The following PDLIM4 variants were observed in gnomAD, a reference collection of about 807,000 sequenced individuals.
PDLIM4 encodes the protein PDZ and LIM domain 4, also known as PDZ and LIM domain protein 4.
Under a neutral mutation model 31.3 loss-of-function variants are expected in PDLIM4, and 19 were observed. That is an observed-to-expected ratio of 0.61 (90% CI 0.42 to 0.89). PDLIM4 has a LOEUF of 0.89. Among genes scored for constraint, PDLIM4 ranks in the 40% least tolerant of loss-of-function variants. The pLI is 0.00. For missense variants in PDLIM4, 442 were observed against 461.1 expected (o/e 0.96, Z 0.38); for synonymous variants, 176 against 190.1 (o/e 0.93, Z 0.61).
At chr5:132,271,761 C>G (rs535617458) in intron 5 of PDLIM4, 30 bp from the exon 6 acceptor site, 4 of 1,445,812 alleles carry the variant, frequency 2.8e-6, no homozygotes, top group South Asian at 2.3e-5. Context: ...CTCCTCACCC[C>G]GTTCATGCCA....
chr5:132,272,706 A>G lies in PDLIM4; in HGVS notation c.*477A>G. On this transcript the variant is annotated 3_prime_UTR_variant, in exon 7 of 7. Coordinates refer to ENST00000253754, the MANE Select transcript of PDLIM4 (RefSeq NM_003687.4). ...GGCCTCTGTGGCCGTCATCGGCACT[A>G]GCGGGTTGGGGGTGGTGGTGGGGTG... 4.7e-6 allele frequency: 1 copy of G among 211,308 alleles called. No individual in the cohort carries two copies. The highest frequency in any genetic ancestry group is 7.8e-5 in the South Asian group (1 of 12,740). The allele number at this position is 211,308 out of a possible 1,614,324, so 13.1% of individuals were successfully genotyped here.
chr5:132,269,641 C>T (rs989650678), intron 3 of PDLIM4, among the ~76,000 whole-genome samples: 2 of 151,954 alleles, frequency 1.3e-5, no homozygotes, highest in African/African-American at 4.8e-5. Flanking sequence ...AGGGCAGAAC[C>T]CCACAGGCTC....
At chr5:132,260,215 A>G (rs1266899121) in intron 1 of PDLIM4, among the ~76,000 whole-genome samples, 1 of 152,170 alleles carries the variant, frequency 6.6e-6, no homozygotes, top group Non-Finnish European at 1.5e-5. Context: ...TGGGTGGAGC[A>G]GGGGCTGGGA....
chr5:132,271,232 C>T, intron 4 of PDLIM4, 71 bp from the exon 5 acceptor site: 2 of 1,524,024 alleles, frequency 1.3e-6, no homozygotes, highest in Admixed American at 1.8e-5. Context: ...ATAAGCCTTA[C>T]CAGACCCCAA....
At chr5:132,266,685 C>G in intron 3 of PDLIM4, 140 bp downstream of exon 3, 1 of 569,364 alleles carries the variant, frequency 1.8e-6, no homozygotes, top group Non-Finnish European at 3.2e-6. Context: ...GAAGTTTTCT[C>G]TGGACCACAT....
At chr5:132,260,400 C>T (rs1756347083) in intron 1 of PDLIM4, among the ~76,000 whole-genome samples, 1 of 152,186 alleles carries the variant, frequency 6.6e-6, no homozygotes, top group Non-Finnish European at 1.5e-5. Flanking sequence ...TTCCCAGCCA[C>T]CCAGGAGAAA....
Position 132,257,924 on chromosome 5 carries a change from T to G in PDLIM4, c.93+97T>G. ...CCCAGATCCCCTGTGTATCCGAGGC[T>G]TGAAGGCGGAGGGTTGGCCTGGGCG... On this transcript the variant is annotated intron_variant, in intron 1 of 6. Coordinates refer to ENST00000253754, the MANE Select transcript of PDLIM4 (RefSeq NM_003687.4). This position sits in a 1 kb window ranked among gnomAD's most constrained non-coding sequence, Gnocchi z 4.3. The G allele has an allele frequency of 1.5e-6, 1 of 678,310 alleles. No homozygotes were observed. Among genetic ancestry groups the G allele is most frequent in the Non-Finnish European group, 2.2e-6 (1 of 452,846 alleles). The allele number at this position is 678,310 out of a possible 1,614,324, so 42.0% of individuals were successfully genotyped here.
At position 132,262,687 on chromosome 5, in the gene PDLIM4, G is replaced by C; in HGVS notation, c.172G>C (p.Glu58Gln). ...CCAGGCCATCAATGGTGAGAGCACA[G>C]AGCTCATGACACACCTGGAGGCACA... Reference protein sequence around the residue: ...LIQAINGESTELMTHLEAQNR... With the variant: ...LIQAINGESTQLMTHLEAQNR... The change falls in exon 2 of 7, where the codon GAG becomes CAG. Residue 58 changes from glutamate to glutamine, a missense_variant. Coordinates refer to ENST00000253754, the MANE Select transcript of PDLIM4 (RefSeq NM_003687.4). The C allele has an allele frequency of 6.2e-7, 1 of 1,613,554 alleles. No homozygotes were observed. The highest frequency in any genetic ancestry group is 8.5e-7 in the Non-Finnish European group (1 of 1,179,724).
rs754129660 is a variant in PDLIM4 at position 132,271,089 on chromosome 5, C to T, written c.502C>T (p.Pro168Ser). The change falls in exon 4 of 7, where the codon CCC becomes TCC. Residue 168 changes from proline (P) to serine (S), a missense_variant. Transcript: ENST00000253754. ...GAGCACCCTGCATGTGTCTCCACCC[C>T]CCAGGTAGCACAGAGATGCCTTCGG... ...QMSTLHVSPP[P>S]SADPARGLPR... 2 of 1,613,446 alleles carry T rather than the reference C, an allele frequency of 1.2e-6. No individual in the cohort carries two copies. The highest frequency in any genetic ancestry group is 1.7e-6 in the Non-Finnish European group (2 of 1,179,600).
intron 3 of PDLIM4, among the ~76,000 whole-genome samples, chr5:132,270,688 A>G (rs945443781): frequency 6.6e-6 from 1 of 152,200 alleles, no homozygotes; most frequent in Non-Finnish European, 1.5e-5. Flanking sequence ...TTTGTGTCTG[A>G]CTTTCCAAGG....
intron 3 of PDLIM4, among the ~76,000 whole-genome samples, chr5:132,269,231 G>A (rs1756553878): frequency 6.6e-6 from 1 of 151,902 alleles, no homozygotes; most frequent in Non-Finnish European, 1.5e-5. Context: ...TGGCTCTGAT[G>A]GCCCTGCAGT....
chr5:132,257,699 G>C lies in PDLIM4; in HGVS notation c.-36G>C, dbSNP rs1469055118. On this transcript the variant is annotated 5_prime_UTR_variant, in exon 1 of 7. Coordinates refer to ENST00000253754, the MANE Select transcript of PDLIM4 (RefSeq NM_003687.4). This position sits in a 1 kb window ranked among gnomAD's most constrained non-coding sequence, Gnocchi z 4.3. ...GCGGCGGCGGCGGCTCCTCCTCAGA[G>C]TCCGGCTCAGGCTCCGGCTGCGGCT... The C allele has an allele frequency of 7.5e-7, 1 of 1,336,450 alleles. No homozygotes were observed. The highest frequency in any genetic ancestry group is 9.9e-7 in the Non-Finnish European group (1 of 1,006,414). The allele number at this position is 1,336,450 out of a possible 1,614,324, so 82.8% of individuals were successfully genotyped here.
Position 132,257,916 on chromosome 5 carries a change from T to A in PDLIM4, c.93+89T>A. The A allele has an allele frequency of 2.8e-6, 2 of 724,978 alleles. No individual in the cohort carries two copies. Among genetic ancestry groups the A allele is most frequent in the South Asian group, 5.1e-5 (2 of 39,132 alleles). 44.9% of individuals were successfully genotyped at this position (724,978 alleles called of 1,614,324 possible). A position where few individuals can be genotyped will look rare whatever the true frequency, so the allele number is the denominator to read the frequency against. ...GCCCGGGACCCAGATCCCCTGTGTA[T>A]CCGAGGCTTGAAGGCGGAGGGTTGG... is the stretch of plus-strand genomic sequence containing the variant. On this transcript the variant is annotated intron_variant, in intron 1 of 6. Transcript: ENST00000253754. The surrounding 1 kb of genome is among the most constrained non-coding windows in gnomAD (Gnocchi z 4.3).
At chr5:132,259,836 C>T (rs1756335828) in intron 1 of PDLIM4, among the ~76,000 whole-genome samples, 3 of 152,194 alleles carry the variant, frequency 2.0e-5, no homozygotes. Flanking sequence ...TCCGGGGCTC[C>T]TTCCCCACAA....
chr5:132,271,899 A>G lies in PDLIM4; in HGVS notation c.779A>G (p.His260Arg), dbSNP rs1189934603. 1.2e-6 allele frequency: 2 copies of G among 1,606,184 alleles called. No homozygotes were observed. The highest frequency in any genetic ancestry group is 2.2e-5 in the South Asian group (2 of 90,746). Residue 260 changes from histidine (H) to arginine (R), a missense_variant, in exon 6 of 7, where the codon CAC becomes CGC. By Grantham distance (29) the His-to-Arg change is conservative (BLOSUM62 0). Transcript: ENST00000253754. ...QGLPECTRCGHGIVGTIVKAR... is the reference protein window; with the variant it reads ...QGLPECTRCGRGIVGTIVKAR... ...CTGCCCGAGTGCACGCGCTGCGGCC[A>G]CGGCATCGTGTGAGTAACCGCCCCC...
chr5:132,263,071 C>G (rs1349944056), intron 2 of PDLIM4, among the ~76,000 whole-genome samples: 1 of 152,154 alleles, frequency 6.6e-6, no homozygotes, highest in Non-Finnish European at 1.5e-5. Flanking sequence ...CATTCCTTTC[C>G]CCTCCCCTGA....
chr5:132,257,838 C>A lies in PDLIM4; in HGVS notation c.93+11C>A, dbSNP rs1376805966. The A allele has an allele frequency of 1.4e-6, 2 of 1,450,316 alleles. No individual in the cohort carries two copies. The highest frequency in any genetic ancestry group is 1.3e-5 in the South Asian group (1 of 77,030). The allele number at this position is 1,450,316 out of a possible 1,614,324, so 89.8% of individuals were successfully genotyped here. ...CTCACCATCTCACGGGTGAGTCTGGCGGCTGCGTGGCGGCAGGGCGGTCCC... is the reference window on the plus strand; with the variant it reads ...CTCACCATCTCACGGGTGAGTCTGGAGGCTGCGTGGCGGCAGGGCGGTCCC... On this transcript the variant is annotated intron_variant, in intron 1 of 6. Transcript: ENST00000253754. This position sits in a 1 kb window ranked among gnomAD's most constrained non-coding sequence, Gnocchi z 4.3.
At chr5:132,267,810 C>G (rs1292525415) in intron 3 of PDLIM4, among the ~76,000 whole-genome samples, 3 of 152,188 alleles carry the variant, frequency 2.0e-5, no homozygotes, top group African/African-American at 7.2e-5. Context: ...TGGACCTCAG[C>G]TGTTCTTACA....
chr5:132,262,943 T>C (rs905438809), intron 2 of PDLIM4, among the ~76,000 whole-genome samples, 183 bp downstream of exon 2: 101 of 152,350 alleles, frequency 6.6e-4, no homozygotes, highest in Non-Finnish European at 1.3e-4. Context: ...TTTAGAGTTA[T>C]AGCTTAAGAA....
Sources: allele counts gnomAD v4.1 joint callset (sites outside exome capture counted in the v4.1 genomes callset), GRCh38; gene constraint gnomAD v4.1.1; non-coding constraint Gnocchi (gnomAD v3.1); transcripts MANE v1.5; gene names NCBI Gene and HGNC (gene_info 2026-07-23, HGNC 2026-07-21).